The following NELL1 variants were observed in gnomAD, a reference collection of about 807,000 sequenced individuals.
The protein encoded by NELL1 is neural EGFL like 1, also known as protein kinase C-binding protein NELL1.
In NELL1, 76 loss-of-function variants were observed where a neutral mutation model predicts 107.4. The observed-to-expected ratio is 0.71, with a 90% CI of 0.59 to 0.86. The LOEUF is 0.86. Among genes scored for constraint, NELL1 ranks in the 40% least tolerant of loss-of-function variants. NELL1 has a pLI of 0.00. For missense variants in NELL1, 1,024 were observed against 1,005.5 expected (o/e 1.02, Z -0.25); for synonymous variants, 353 against 341.2 (o/e 1.03, Z -0.38).
chr11:20,957,909 C>T (rs1171103013), intron 11 of NELL1, among the ~76,000 whole-genome samples: 1 of 151,908 alleles, frequency 6.6e-6, no homozygotes, highest in Non-Finnish European at 1.5e-5. Flanking sequence ...CAGATGAGAG[C>T]TTGAGAAGAA....
At chr11:21,162,112 A>G (rs1856385824) in intron 13 of NELL1, among the ~76,000 whole-genome samples, 1 of 151,862 alleles carries the variant, frequency 6.6e-6, no homozygotes, top group Non-Finnish European at 1.5e-5. Flanking sequence ...CACCAGGCCC[A>G]GCTAAGTTTT....
intron 2 of NELL1, among the ~76,000 whole-genome samples, chr11:20,774,331 T>C (rs528061243): frequency 1.4e-5 from 2 of 146,044 alleles, no homozygotes; most frequent in East Asian, 2.0e-4. Flanking sequence ...TCTTTTTTTC[T>C]TTCCTTCTCT....
chr11:20,686,783 T>G (rs1321926079), intron 2 of NELL1, among the ~76,000 whole-genome samples: 1 of 152,124 alleles, frequency 6.6e-6, no homozygotes, highest in Non-Finnish European at 1.5e-5. Context: ...AAACTTAATT[T>G]AACAATTCTC....
chr11:21,295,582 G>T (rs1849357422), intron 14 of NELL1, among the ~76,000 whole-genome samples: 1 of 151,964 alleles, frequency 6.6e-6, no homozygotes, highest in Non-Finnish European at 1.5e-5. Flanking sequence ...GCCAGTTCTG[G>T]GTCATTACAG....
chr11:21,240,358 G>GT (rs1858320728), intron 14 of NELL1, among the ~76,000 whole-genome samples: 1 of 152,010 alleles, frequency 6.6e-6, no homozygotes, highest in African/African-American at 2.4e-5. Context: ...AAATTTAGAT[G>GT]TGGGGGTATT....
intron 14 of NELL1, among the ~76,000 whole-genome samples, chr11:21,232,943 G>A (rs1337909943): frequency 6.6e-6 from 1 of 152,190 alleles, no homozygotes; most frequent in Non-Finnish European, 1.5e-5. Context: ...ATGAGGCACT[G>A]CTCTCAGCAG....
chr11:21,347,559 G>A (rs189390276), intron 14 of NELL1, among the ~76,000 whole-genome samples: 17 of 152,230 alleles, frequency 1.1e-4, no homozygotes, highest in African/African-American at 1.9e-4. Context: ...CCAAGACTGC[G>A]CCATTGTACT....
intron 12 of NELL1, among the ~76,000 whole-genome samples, chr11:21,057,211 C>T (rs1214057620): frequency 6.6e-6 from 1 of 151,896 alleles, no homozygotes; most frequent in Non-Finnish European, 1.5e-5. Flanking sequence ...ACATAAATGG[C>T]CCATTGAAAA....
At chr11:21,013,047 T>C (rs1422101289) in intron 12 of NELL1, among the ~76,000 whole-genome samples, 2 of 152,160 alleles carry the variant, frequency 1.3e-5, no homozygotes, top group Non-Finnish European at 2.9e-5. Context: ...AGAAGGGCTG[T>C]TATCATCTTT....
intron 2 of NELL1, among the ~76,000 whole-genome samples, chr11:20,777,698 C>T (rs1361490601): frequency 6.6e-6 from 1 of 152,234 alleles, no homozygotes; most frequent in Non-Finnish European, 1.5e-5. Flanking sequence ...ATGTGGCACT[C>T]AGGCTAGAAG....
At chr11:20,948,010 C>T (rs1850998621) in intron 11 of NELL1, among the ~76,000 whole-genome samples, 1 of 152,128 alleles carries the variant, frequency 6.6e-6, no homozygotes, top group East Asian at 1.9e-4. Flanking sequence ...TTGCCTTCAT[C>T]CCAAAATTTA....
At chr11:21,305,550 T>C (rs929361083) in intron 14 of NELL1, among the ~76,000 whole-genome samples, 3 of 151,854 alleles carry the variant, frequency 2.0e-5, no homozygotes, top group Non-Finnish European at 4.4e-5. Flanking sequence ...ATATGATAAA[T>C]AGCAAGTCAA....
chr11:21,232,914 A>G (rs964782329), intron 14 of NELL1, among the ~76,000 whole-genome samples: 4 of 152,098 alleles, frequency 2.6e-5, no homozygotes, highest in Non-Finnish European at 5.9e-5. Flanking sequence ...CAGCCTCCCA[A>G]ACGGCTGGGA....
chr11:20,917,426 C>T (rs1032656619), intron 5 of NELL1, among the ~76,000 whole-genome samples: 1 of 151,996 alleles, frequency 6.6e-6, no homozygotes, highest in Admixed American at 6.6e-5. Context: ...AGACTTGCAG[C>T]ACTCTCTTAA....
At chr11:21,285,255 T>G (rs1052732124) in intron 14 of NELL1, among the ~76,000 whole-genome samples, 2 of 152,204 alleles carry the variant, frequency 1.3e-5, no homozygotes, top group South Asian at 2.1e-4. Context: ...CGATATTATA[T>G]ACTGAATAAA....
At chr11:21,099,228 C>CACAA (rs1554967535) in intron 12 of NELL1, among the ~76,000 whole-genome samples, 7 of 140,818 alleles carry the variant, frequency 5.0e-5, no homozygotes, top group Admixed American at 7.2e-5. Context: ...CACACACACA[C>CACAA]ACACAAACAC....
intron 13 of NELL1, among the ~76,000 whole-genome samples, chr11:21,227,879 A>T (rs1469805541): frequency 6.6e-6 from 1 of 152,226 alleles, no homozygotes; most frequent in East Asian, 1.9e-4. Flanking sequence ...TGATGAAAAC[A>T]GTCCTATTTT....
intron 3 of NELL1, among the ~76,000 whole-genome samples, chr11:20,818,582 C>T (rs1352726385): frequency 6.6e-6 from 1 of 152,072 alleles, no homozygotes. Flanking sequence ...GGTGAGTTAT[C>T]TTTAAATATC....
In NELL1 at chr11:20,729,794, T is replaced by C. The variant is rs182204369; in HGVS notation, c.184+51734T>C. Among the ~76,000 whole-genome samples, 374 of 152,264 alleles carry C rather than the reference T, an allele frequency of 2.5e-3. 1 individual carries two copies. The highest frequency in any genetic ancestry group is 5.4e-3 in the South Asian group (26 of 4,830). ...GAGAGAATAACTGTGAGTCACTTCT[T>C]TTGCCTGACTTTATGCTCTCTTCTG... On this transcript the variant is annotated intron_variant, in intron 2 of 19. Coordinates refer to ENST00000357134, the MANE Select transcript of NELL1 (RefSeq NM_006157.5).
Sources: gnomAD v4.1 joint callset for allele counts (sites outside exome capture counted in the v4.1 genomes callset) on GRCh38, gnomAD v4.1.1 for gene constraint, MANE v1.5 for transcripts, NCBI Gene and HGNC (gene_info 2026-07-23, HGNC 2026-07-21) for gene names.